The following CASK variants were observed in gnomAD, a reference collection of about 807,000 sequenced individuals.
CASK encodes the protein calcium/calmodulin dependent serine protein kinase, also known as peripheral plasma membrane protein CASK.
A neutral mutation model predicts 82.9 loss-of-function variants in CASK; 4 were observed. The ratio of observed to expected loss-of-function variants is 0.05; its 90% CI spans 0.02 to 0.11. CASK has a LOEUF of 0.11. Among genes scored for constraint, CASK ranks in the 10% least tolerant of loss-of-function variants. CASK has a pLI of 1.00. For missense variants in CASK, 358 were observed against 720.9 expected (o/e 0.50, Z 5.76); for synonymous variants, 259 against 253.5 (o/e 1.02, Z -0.20).
In CASK at chrX:41,626,694, G is replaced by A. The variant is rs773085471; in HGVS notation, c.925C>T (p.Leu309=). Residue 309 remains leucine (L), a synonymous_variant, in exon 10 of 27, where the codon CTA becomes TTA. Coordinates refer to ENST00000378163, the MANE Select transcript of CASK (RefSeq NM_001367721.1). ...AATTTGTGACTTGACACAGCGGCTA[G>A]TACTGCACCCTAAAACAAAGAGATG... ...NARRKLKGAV[L]AAVSSHKFNS... 2.6e-6 allele frequency: 3 copies of A among 1,161,138 alleles called. No homozygotes were observed. Among genetic ancestry groups the A allele is most frequent in the Admixed American group, 2.2e-5 (1 of 45,752 alleles).
chrX:41,584,731 G>A (rs1159191869), intron 14 of CASK: 1 of 111,199 alleles, frequency 9.0e-6, no homozygotes, highest in African/African-American at 3.3e-5. Context: ...GCCACGGATG[G>A]GTACTGGTCA....
At chrX:41,693,433 G>T (rs1025445521) in intron 5 of CASK, among the ~76,000 whole-genome samples, 1 of 110,771 alleles carries the variant, frequency 9.0e-6, no homozygotes, top group Non-Finnish European at 1.9e-5. Context: ...GGCCAACGTG[G>T]TGAAACCCCA....
intron 21 of CASK, among the ~76,000 whole-genome samples, chrX:41,550,868 G>A (rs1404775777): frequency 2.7e-5 from 3 of 111,777 alleles, no homozygotes; most frequent in Non-Finnish European, 5.6e-5. Context: ...CCATGATCAT[G>A]CCATTGCACT....
At chrX:41,838,548 G>A (rs1338675178) in intron 2 of CASK, among the ~76,000 whole-genome samples, 2 of 111,331 alleles carry the variant, frequency 1.8e-5, no homozygotes, top group Non-Finnish European at 3.8e-5. Flanking sequence ...CTGAGGTCAG[G>A]AGTTTGAGAC....
intron 8 of CASK, among the ~76,000 whole-genome samples, chrX:41,637,689 G>A (rs2066582370): frequency 9.1e-6 from 1 of 109,691 alleles, no homozygotes; most frequent in Non-Finnish European, 1.9e-5. Flanking sequence ...TGTCGCCCAG[G>A]CTGGAGTGCA....
chrX:41,895,862 C>CT (rs1258905128), intron 1 of CASK, among the ~76,000 whole-genome samples: 5 of 110,551 alleles, frequency 4.5e-5, no homozygotes, highest in African/African-American at 9.9e-5. Flanking sequence ...GAAAATAATC[C>CT]TTTTTTTTAA....
chrX:41,697,078 A>G, intron 5 of CASK: 1 of 198,410 alleles, frequency 5.0e-6, no homozygotes. Flanking sequence ...AAGTGACTAA[A>G]GTAGTTATTA....
intron 5 of CASK, among the ~76,000 whole-genome samples, chrX:41,710,354 A>G (rs906032618): frequency 9.0e-6 from 1 of 111,061 alleles, no homozygotes; most frequent in Non-Finnish European, 1.9e-5. Flanking sequence ...ATTCAATGCT[A>G]AAGTTTCTCC....
At chrX:41,540,202 T>C (rs1765633727) in intron 22 of CASK, among the ~76,000 whole-genome samples, 1 of 112,031 alleles carries the variant, frequency 8.9e-6, no homozygotes, top group Non-Finnish European at 1.9e-5. Context: ...AAACAGGTGG[T>C]GGCAGTAGGC....
At chrX:41,805,909 T>C (rs1322315249) in intron 2 of CASK, among the ~76,000 whole-genome samples, 9 of 111,535 alleles carry the variant, frequency 8.1e-5, no homozygotes, top group Non-Finnish European at 1.5e-4. Flanking sequence ...GGACAATACC[T>C]AGCACAGATA....
intron 2 of CASK, among the ~76,000 whole-genome samples, chrX:41,806,280 C>A (rs148278469): frequency 1.8e-5 from 2 of 112,073 alleles, no homozygotes; most frequent in African/African-American, 6.5e-5. Flanking sequence ...CTGCCTCACA[C>A]TTTACAATCA....
At chrX:41,528,008 C>T (rs1003653505) in intron 25 of CASK, among the ~76,000 whole-genome samples, 1 of 112,546 alleles carries the variant, frequency 8.9e-6, no homozygotes, top group Admixed American at 9.4e-5. Context: ...GGTGAACCAT[C>T]TTAAGGATTC....
intron 2 of CASK, among the ~76,000 whole-genome samples, chrX:41,794,448 G>T (rs1398949989): frequency 8.9e-6 from 1 of 112,318 alleles, no homozygotes; most frequent in Non-Finnish European, 1.9e-5. Context: ...AGGTGCAATT[G>T]CTCTGTTGCT....
At chrX:41,586,494 C>A in intron 14 of CASK, 1 of 120,827 alleles carries the variant, frequency 8.3e-6, no homozygotes, top group East Asian at 2.4e-4. Flanking sequence ...AGAAATGAAC[C>A]AAGAAAGTGC....
intron 12 of CASK, among the ~76,000 whole-genome samples, chrX:41,600,464 CTTA>C (rs1440327437): frequency 8.9e-6 from 1 of 112,130 alleles, no homozygotes; most frequent in African/African-American, 3.2e-5. Flanking sequence ...AGAATCAGTG[CTTA>C]TTGTACTTAG....
At chrX:41,676,594 C>A in intron 5 of CASK, 1 of 608,444 alleles carries the variant, frequency 1.6e-6, no homozygotes, top group Non-Finnish European at 2.5e-6. Context: ...CTCTGGCCTG[C>A]TCTCCGAACT....
At chrX:41,915,220 C>G (rs895665814) in intron 1 of CASK, among the ~76,000 whole-genome samples, 3 of 110,996 alleles carry the variant, frequency 2.7e-5, no homozygotes, top group Non-Finnish European at 5.7e-5. Flanking sequence ...ACTGCCATTC[C>G]ATACCTCTCA....
At chrX:41,624,559 T>C (rs775302467) in intron 10 of CASK, among the ~76,000 whole-genome samples, 3 of 112,227 alleles carry the variant, frequency 2.7e-5, no homozygotes, top group Non-Finnish European at 5.6e-5. Context: ...TGTGGGTACA[T>C]AGTATACATT....
intron 1 of CASK, among the ~76,000 whole-genome samples, chrX:41,863,585 A>G (rs1423696771): frequency 1.8e-5 from 2 of 112,757 alleles, no homozygotes; most frequent in East Asian, 5.6e-4. Flanking sequence ...TGGTGCAAGA[A>G]AACCATAACT....
Sources: allele counts gnomAD v4.1 joint callset (sites outside exome capture counted in the v4.1 genomes callset), GRCh38; gene constraint gnomAD v4.1.1; transcripts MANE v1.5; gene names NCBI Gene and HGNC (gene_info 2026-07-23, HGNC 2026-07-21).